Variants in TSC22D3 observed in about 807,000 individuals in gnomAD.
TSC22D3 encodes the protein TSC22 domain family protein 3.
Under a neutral mutation model 11.1 loss-of-function variants are expected in TSC22D3, and 4 were observed. The ratio of observed to expected loss-of-function variants is 0.36; its 90% confidence interval spans 0.18 to 0.83. The LOEUF is 0.83. Ranked by LOEUF, TSC22D3 falls within the 40% of genes least tolerant of loss-of-function variation. The probability of loss-of-function intolerance (pLI) is 0.48; values close to 1 mark genes in which losing one functional copy is unlikely to be tolerated. For missense variants in TSC22D3, 118 were observed against 159.4 expected (o/e 0.74, Z 1.40); for synonymous variants, 77 against 70.3 (o/e 1.10, Z -0.48).
intron 1 of TSC22D3, among the ~76,000 whole-genome samples, chrX:107,757,668 C>T (rs1929238299): frequency 1.8e-5 from 2 of 109,518 alleles, no homozygotes; most frequent in East Asian, 2.9e-4. Context: ...CCCTCATATT[C>T]ACCCTTGCCT....
intron 1 of TSC22D3, among the ~76,000 whole-genome samples, chrX:107,760,948 GA>G (rs1439289698): frequency 8.9e-6 from 1 of 111,931 alleles, no homozygotes; most frequent in Non-Finnish European, 1.9e-5. Context: ...GTGAGTGACA[GA>G]GCAAGAAGAG....
intron 1 of TSC22D3, among the ~76,000 whole-genome samples, chrX:107,723,507 A>G (rs1927460640): frequency 8.9e-6 from 1 of 112,273 alleles, no homozygotes; most frequent in African/African-American, 3.2e-5. Flanking sequence ...CTACAGACCA[A>G]CAAGCATCTT....
chrX:107,724,113 C>T (rs920047322), intron 1 of TSC22D3, among the ~76,000 whole-genome samples: 10 of 112,760 alleles, frequency 8.9e-5, no homozygotes, highest in African/African-American at 3.2e-4. Flanking sequence ...GACTCTATCA[C>T]ATGTGAAGAG....
chrX:107,751,954 G>A (rs1227719205), intron 1 of TSC22D3, among the ~76,000 whole-genome samples: 1 of 112,467 alleles, frequency 8.9e-6, no homozygotes, highest in Non-Finnish European at 1.9e-5. Flanking sequence ...CTTGGGAAGG[G>A]GAGCACATTC....
At chrX:107,757,540 A>G (rs753807425) in intron 1 of TSC22D3, among the ~76,000 whole-genome samples, 2 of 112,229 alleles carry the variant, frequency 1.8e-5, no homozygotes, top group Non-Finnish European at 3.8e-5. Context: ...AAAGAAACAT[A>G]TAGATTCTTA....
At position 107,720,414 on chromosome X, in the gene TSC22D3, A is replaced by G. The variant is rs1175320921; in HGVS notation, c.321-4464T>C. 1.2e-4 allele frequency among the ~76,000 whole-genome samples: 13 copies of G among 112,355 alleles called. No homozygotes were observed. The Admixed American group carries it at 1.2e-3, about 11-fold the overall frequency. On this transcript the variant is annotated intron_variant, in intron 1 of 2. Transcript: ENST00000372383. ...GTCTCTGTAGAAAGATTTTCTGGCC[A>G]GGCGCAGCGGCTCACGCCTGTAATC...
chrX:107,731,057 G>A (rs1196539612), intron 1 of TSC22D3, among the ~76,000 whole-genome samples: 1 of 112,733 alleles, frequency 8.9e-6, no homozygotes, highest in Admixed American at 9.4e-5. Flanking sequence ...TGGCTCAACA[G>A]GTTTTTCTCA....
chrX:107,768,161 C>T (rs374461376), intron 1 of TSC22D3, among the ~76,000 whole-genome samples: 1 of 112,107 alleles, frequency 8.9e-6, no homozygotes, highest in East Asian at 2.8e-4. Context: ...GAGCAAACAG[C>T]GCAACAGCCA....
intron 1 of TSC22D3, among the ~76,000 whole-genome samples, chrX:107,762,094 G>T (rs1340220546): frequency 8.9e-6 from 1 of 112,040 alleles, no homozygotes; most frequent in Admixed American, 9.4e-5. Context: ...ATCCTGCATG[G>T]TTTGTTGTTC....
At chrX:107,747,525 C>G (rs1569452141) in intron 1 of TSC22D3, among the ~76,000 whole-genome samples, 1 of 112,715 alleles carries the variant, frequency 8.9e-6, no homozygotes, top group Non-Finnish European at 1.9e-5. Context: ...TTAAAAAGTT[C>G]AAATGTGGCT....
At chrX:107,740,674 G>A (rs1031320201) in intron 1 of TSC22D3, among the ~76,000 whole-genome samples, 1 of 111,061 alleles carries the variant, frequency 9.0e-6, no homozygotes, top group Non-Finnish European at 1.9e-5. Context: ...GGGAGGATGG[G>A]CAGCAGAGTG....
chrX:107,753,676 A>G (rs781515111), intron 1 of TSC22D3, among the ~76,000 whole-genome samples: 1 of 111,782 alleles, frequency 8.9e-6, no homozygotes, highest in African/African-American at 3.2e-5. Context: ...GACATATTTC[A>G]AAGACACACA....
rs750136644 is a variant in TSC22D3, at chrX:107,768,275, C to T, written c.320+6825G>A. ...TCCATCACCCGGGATGCCTAGAGGT[C>T]TTGGCAGTCTTGGCCAGATACATCC... On this transcript the variant is annotated intron_variant, in intron 1 of 2. Coordinates refer to ENST00000372383, the MANE Select transcript of TSC22D3 (RefSeq NM_198057.3). Among the ~76,000 whole-genome samples the T allele has an allele frequency of 3.6e-5, 4 of 112,107 alleles. No homozygotes were observed. The Admixed American group carries it at 3.8e-4, about 11-fold the overall frequency.
chrX:107,765,451 G>A (rs935525603), intron 1 of TSC22D3, among the ~76,000 whole-genome samples: 2 of 111,994 alleles, frequency 1.8e-5, no homozygotes, highest in South Asian at 3.7e-4. Context: ...AGACTCTGAC[G>A]TCTCCTGTGT....
intron 1 of TSC22D3, among the ~76,000 whole-genome samples, chrX:107,733,336 G>C (rs1259997881): frequency 1.8e-5 from 2 of 111,771 alleles, no homozygotes; most frequent in Admixed American, 1.9e-4. Context: ...ACAAATATTA[G>C]GGATTATTAT....
intron 1 of TSC22D3, among the ~76,000 whole-genome samples, chrX:107,736,222 G>C (rs1159300828): frequency 3.1e-4 from 35 of 111,723 alleles, no homozygotes. Context: ...AAAGCAGCCT[G>C]AGTGGTAAGG....
intron 1 of TSC22D3, among the ~76,000 whole-genome samples, chrX:107,734,794 C>T (rs1928048761): frequency 9.9e-6 from 1 of 100,521 alleles, no homozygotes; most frequent in Non-Finnish European, 2.0e-5. Flanking sequence ...ATAATAGCTA[C>T]TACTTATTGA....
Position 107,721,560 on chromosome X carries a change from T to G in TSC22D3, c.321-5610A>C, listed in dbSNP as rs772143178. Among the ~76,000 whole-genome samples the G allele has an allele frequency of 7.2e-5, 8 of 111,838 alleles. No individual in the cohort carries two copies. The South Asian group carries it at 2.6e-3, about 37-fold the overall frequency. On this transcript the variant is annotated intron_variant, in intron 1 of 2. Transcript: ENST00000372383. Reference sequence around the variant, plus strand: ...TACCACACAGCCAGAAGGAAACTATTTATAGGTAAGTCTTCCTTATTTTCT... The same window carrying G: ...TACCACACAGCCAGAAGGAAACTATGTATAGGTAAGTCTTCCTTATTTTCT...
intron 1 of TSC22D3, among the ~76,000 whole-genome samples, chrX:107,735,297 A>C (rs1928080405): frequency 8.9e-6 from 1 of 112,324 alleles, no homozygotes; most frequent in Non-Finnish European, 1.9e-5. Context: ...TGGTCCTGCC[A>C]TAAAATTGTC....
Sources: allele counts gnomAD v4.1 joint callset (sites outside exome capture counted in the v4.1 genomes callset), GRCh38; gene constraint gnomAD v4.1.1; transcripts MANE v1.5; gene names NCBI Gene and HGNC (gene_info 2026-07-23, HGNC 2026-07-21).